Variants in ADGRL3 observed in about 807,000 individuals in gnomAD.
ADGRL3 encodes calcium-independent alpha-latrotoxin receptor 3.
ADGRL3 carries 62 observed loss-of-function variants against 153.5 expected under a neutral mutation model. The observed-to-expected ratio is 0.40, with a 90% confidence interval of 0.33 to 0.50. ADGRL3 has a LOEUF of 0.50. Ranked by LOEUF, ADGRL3 falls within the 20% of genes least tolerant of loss-of-function variation. The probability of loss-of-function intolerance (pLI) is 0.47; values close to 1 mark genes in which losing one functional copy is unlikely to be tolerated. For synonymous variants in ADGRL3, 710 were observed against 672.5 expected, an observed-to-expected ratio of 1.06 and a Z score of -0.86; for missense variants, 1,641 against 1,859.4, an observed-to-expected ratio of 0.88 and a Z score of 2.16.
chr4:61,431,043 A>G (rs1295105549), intron 2 of ADGRL3, among the ~76,000 whole-genome samples: 2 of 152,164 alleles, frequency 1.3e-5, no homozygotes, highest in Non-Finnish European at 2.9e-5. Flanking sequence ...CCTTTCCCTA[A>G]AGTATGAGCC....
chr4:61,686,335 G>A (rs561854696), intron 6 of ADGRL3, among the ~76,000 whole-genome samples: 23 of 152,156 alleles, frequency 1.5e-4, no homozygotes, highest in Admixed American at 9.8e-4. Context: ...GATCTATGAA[G>A]TAAATTTCCA....
At chr4:61,824,127 T>C (rs2148770335) in intron 9 of ADGRL3, among the ~76,000 whole-genome samples, 1 of 152,318 alleles carries the variant, frequency 6.6e-6, no homozygotes, top group South Asian at 2.1e-4. Context: ...CTATCCATAG[T>C]ATAGTATTTT....
chr4:62,017,915 G>A (rs929891265), intron 21 of ADGRL3, among the ~76,000 whole-genome samples: 4 of 151,858 alleles, frequency 2.6e-5, no homozygotes, highest in South Asian at 2.1e-4. Flanking sequence ...ATGGAGTCTC[G>A]CTCTGTCACC....
rs1303185745 is a variant in ADGRL3 at position 61,895,705 on chromosome 4, C to A, written c.1784-26C>A. On this transcript the variant is annotated intron_variant, in intron 10 of 26. Transcript: ENST00000683033. ...GTGAAGTCATTCTAAGAAAAAGAAA[C>A]AGATACATTTCTCTCATTATTACAG... 7 of 1,231,464 alleles carry A rather than the reference C, an allele frequency of 5.7e-6. No individual in the cohort carries two copies. The South Asian group carries it at 9.5e-5, about 17-fold the overall frequency. The allele number at this position is 1,231,464 out of a possible 1,614,324, so 76.3% of individuals were successfully genotyped here.
intron 24 of ADGRL3, among the ~76,000 whole-genome samples, chr4:62,041,503 A>AC (rs1728271448): frequency 6.6e-6 from 1 of 152,086 alleles, no homozygotes; most frequent in Admixed American, 6.6e-5. Context: ...TAAGATGAAC[A>AC]CCTGTGAACT....
intron 5 of ADGRL3, among the ~76,000 whole-genome samples, chr4:61,659,007 ATTGT>A (rs1277775594): frequency 6.6e-6 from 1 of 152,142 alleles, no homozygotes; most frequent in Non-Finnish European, 1.5e-5. Context: ...GGGAAGAATC[ATTGT>A]TTGCCTCTTC....
intron 2 of ADGRL3, among the ~76,000 whole-genome samples, chr4:61,419,239 T>A (rs1276106386): frequency 6.6e-6 from 1 of 150,918 alleles, no homozygotes; most frequent in Non-Finnish European, 1.5e-5. Flanking sequence ...GTTAAGTTCC[T>A]AAGGTATATT....
At chr4:61,711,795 C>T (rs1047305429) in intron 6 of ADGRL3, among the ~76,000 whole-genome samples, 3 of 151,970 alleles carry the variant, frequency 2.0e-5, no homozygotes, top group African/African-American at 7.2e-5. Flanking sequence ...GGAGACTTCA[C>T]TACTTGTAAT....
chr4:61,627,993 C>A (rs2092933697), intron 5 of ADGRL3, among the ~76,000 whole-genome samples: 1 of 152,062 alleles, frequency 6.6e-6, no homozygotes, highest in African/African-American at 2.4e-5. Context: ...GATGCTTGGA[C>A]CAAATGGGTT....
chr4:61,946,763 C>G, intron 15 of ADGRL3, 151 bp from the exon 16 acceptor site: 1 of 666,588 alleles, frequency 1.5e-6, no homozygotes, highest in Non-Finnish European at 2.7e-6. Flanking sequence ...ATTTGAATTT[C>G]CTCTCCTCAT....
chr4:61,250,059 T>A (rs1758647182), intron 1 of ADGRL3, among the ~76,000 whole-genome samples: 1 of 152,190 alleles, frequency 6.6e-6, no homozygotes, highest in African/African-American at 2.4e-5. Context: ...CTCCTTGCAT[T>A]GTCTCCCTTC....
At chr4:61,954,202 T>C (rs897797205) in intron 17 of ADGRL3, among the ~76,000 whole-genome samples, 47 of 152,110 alleles carry the variant, frequency 3.1e-4, no homozygotes, top group African/African-American at 1.1e-3. Context: ...TTCTTTCAGA[T>C]GCTCTGGTCC....
At chr4:61,717,786 C>CA (rs2081537171) in intron 6 of ADGRL3, among the ~76,000 whole-genome samples, 1 of 152,076 alleles carries the variant, frequency 6.6e-6, no homozygotes, top group Admixed American at 6.5e-5. Context: ...GTAATCCCAG[C>CA]ACTTTGGGAG....
rs577734102 is a variant in ADGRL3, at chr4:61,909,000, T to A, written c.1888-560T>A. ...ATGTAGTTTCAGAGAAGAAAAATAC[T>A]TGAAACTAAGCAATAGTTTGCTACC... On this transcript the variant is annotated intron_variant, in intron 11 of 26. Transcript: ENST00000683033. Among the ~76,000 whole-genome samples the A allele has an allele frequency of 4.3e-4, 65 of 152,292 alleles. 1 individual carries two copies. Among genetic ancestry groups the A allele is most frequent in the South Asian group, 1.9e-3 (9 of 4,818 alleles).
chr4:61,627,535 T>C (rs2092907416), intron 5 of ADGRL3, among the ~76,000 whole-genome samples: 1 of 151,998 alleles, frequency 6.6e-6, no homozygotes, highest in Non-Finnish European at 1.5e-5. Flanking sequence ...GCAGGAGAAT[T>C]GCTTGAACCT....
chr4:61,996,415 C>G, intron 20 of ADGRL3, 58 bp downstream of exon 20: 2 of 1,161,234 alleles, frequency 1.7e-6, no homozygotes, highest in South Asian at 2.6e-5. Flanking sequence ...CTTTCACTAT[C>G]CCAGTACTGA....
At chr4:61,323,417 T>C (rs1413059505) in intron 1 of ADGRL3, among the ~76,000 whole-genome samples, 1 of 151,948 alleles carries the variant, frequency 6.6e-6, no homozygotes, top group Non-Finnish European at 1.5e-5. Flanking sequence ...TTCTATTGCA[T>C]TGTCAGGCTG....
intron 5 of ADGRL3, among the ~76,000 whole-genome samples, chr4:61,602,450 G>A (rs543307523): frequency 1.3e-5 from 2 of 152,128 alleles, no homozygotes; most frequent in South Asian, 2.1e-4. Flanking sequence ...AAAGATGTTA[G>A]GGATTTGTAA....
chr4:61,976,746 C>G (rs1012813955), intron 17 of ADGRL3, among the ~76,000 whole-genome samples: 13 of 152,278 alleles, frequency 8.5e-5, no homozygotes, highest in African/African-American at 2.9e-4. Flanking sequence ...CTTGCTCCCC[C>G]TTCGCCTTCT....
Sources: gnomAD v4.1 joint callset for allele counts (sites outside exome capture counted in the v4.1 genomes callset) on GRCh38, gnomAD v4.1.1 for gene constraint, MANE v1.5 for transcripts, NCBI Gene and HGNC (gene_info 2026-07-23, HGNC 2026-07-21) for gene names.